The following USP45 variants were observed in gnomAD, a reference collection of about 807,000 sequenced individuals.
USP45 encodes the protein ubiquitin carboxyl-terminal hydrolase 45.
A neutral mutation model predicts 95.8 loss-of-function variants in USP45; 89 were observed. The ratio of observed to expected loss-of-function variants is 0.93; its 90% CI spans 0.78 to 1.11. The LOEUF (loss-of-function observed/expected upper bound fraction) is 1.11, where lower values mean the gene tolerates loss of function less well. USP45 is among the 50% of genes least tolerant of loss of function. The pLI is 0.00. For missense variants in USP45, 898 were observed against 942.5 expected (o/e 0.95, Z 0.62); for synonymous variants, 281 against 316.2 (o/e 0.89, Z 1.18).
chr6:99,445,130 G>C (rs763505599), intron 14 of USP45, among the ~76,000 whole-genome samples: 17 of 152,176 alleles, frequency 1.1e-4, no homozygotes, highest in Non-Finnish European at 2.2e-4. Context: ...GTTTACAACA[G>C]ATTGATAGGA....
chr6:99,448,807 A>G (rs1783144568), intron 13 of USP45, among the ~76,000 whole-genome samples: 1 of 152,260 alleles, frequency 6.6e-6, no homozygotes, highest in Non-Finnish European at 1.5e-5. Context: ...AGGGAAACCC[A>G]TCAGACTAAC....
chr6:99,476,857 T>G (rs908380438), intron 8 of USP45, among the ~76,000 whole-genome samples: 8 of 152,234 alleles, frequency 5.3e-5, no homozygotes, highest in African/African-American at 1.7e-4. Flanking sequence ...CCTGTGAATA[T>G]GTTTTTTAAG....
chr6:99,462,062 A>T, intron 13 of USP45: 1 of 985,400 alleles, frequency 1.0e-6, no homozygotes, highest in Non-Finnish European at 1.2e-6. Context: ...ATGTTATTAG[A>T]ACTGTACTTT....
chr6:99,512,402 TC>T (rs1800086974), intron 1 of USP45, among the ~76,000 whole-genome samples: 1 of 152,212 alleles, frequency 6.6e-6, no homozygotes, highest in Non-Finnish European at 1.5e-5. Flanking sequence ...TTTGTCTCTT[TC>T]TTCATAGTGT....
upstream of USP45, chr6:99,515,574 G>C (rs1380679232): frequency 1.3e-5 from 2 of 152,160 alleles, no homozygotes; most frequent in Non-Finnish European, 2.9e-5. Context: ...CTTGCGTGGC[G>C]CCTGCGTTCT....
chr6:99,456,797 G>GC (rs1361868265), intron 13 of USP45, among the ~76,000 whole-genome samples: 2 of 146,358 alleles, frequency 1.4e-5, no homozygotes, highest in Non-Finnish European at 3.0e-5. Flanking sequence ...CAGAATAACA[G>GC]CAATTGTTCA....
chr6:99,437,597 C>G (rs1224964010), intron 16 of USP45, among the ~76,000 whole-genome samples, 198 bp from the exon 17 acceptor site: 1 of 152,180 alleles, frequency 6.6e-6, no homozygotes, highest in Non-Finnish European at 1.5e-5. Context: ...AAAGAGCACT[C>G]ACACATATTG....
Position 99,445,946 on chromosome 6 carries a change from T to C in USP45, c.1826A>G (p.Gln609Arg), listed in dbSNP as rs765305812. The C allele has an allele frequency of 6.2e-7, 1 of 1,614,098 alleles. No homozygotes were observed. The highest frequency in any genetic ancestry group is 8.5e-7 in the Non-Finnish European group (1 of 1,180,024). The change falls in exon 14 of 18, where the codon CAG becomes CGG. Residue 609 changes from glutamine to arginine, a missense_variant. Physicochemically the swap from Gln to Arg is conservative, Grantham distance 43 (BLOSUM62 1). Transcript: ENST00000500704. ...TTCTTTAGAAGTAGTTATATAGCTC[T>C]GAGAAAGGGTCTGAAAAGCATTTTG... ...SPQNAFQTLS[Q>R]SYITTSKECS...
intron 14 of USP45, among the ~76,000 whole-genome samples, chr6:99,445,062 T>C (rs987523708): frequency 2.6e-5 from 4 of 152,258 alleles, no homozygotes; most frequent in East Asian, 1.9e-4. Flanking sequence ...ATGGTAATTA[T>C]AGCGCTAGCT....
intron 4 of USP45, among the ~76,000 whole-genome samples, chr6:99,504,264 C>A (rs118114768): frequency 6.6e-6 from 1 of 152,158 alleles, no homozygotes; most frequent in African/African-American, 2.4e-5. Context: ...CCTCAGCCAC[C>A]CAGTAGCTGG....
chr6:99,442,827 C>T (rs1219816141), intron 15 of USP45, among the ~76,000 whole-genome samples: 1 of 150,806 alleles, frequency 6.6e-6, no homozygotes, highest in Non-Finnish European at 1.5e-5. Flanking sequence ...AGCCTGGCAA[C>T]AGAGGGAGAT....
intron 9 of USP45, among the ~76,000 whole-genome samples, chr6:99,475,906 C>T (rs966286675): frequency 3.9e-5 from 6 of 152,126 alleles, no homozygotes; most frequent in African/African-American, 1.4e-4. Flanking sequence ...CTCACTGCAA[C>T]CTCTGCTTCC....
At position 99,470,192 on chromosome 6, in the gene USP45, T is replaced by G. The variant is rs191585351; in HGVS notation, c.934-1574A>C. Among the ~76,000 whole-genome samples, 8 of 152,272 alleles carry G rather than the reference T, an allele frequency of 5.3e-5. No homozygotes were observed. In the East Asian group the frequency reaches 1.5e-3, roughly 29 times the overall value. ...TATTGTCAACACCAACATCCCCTTCTGCCATTATAACATGCTTTTAATCTA... is the reference window on the plus strand; with the variant it reads ...TATTGTCAACACCAACATCCCCTTCGGCCATTATAACATGCTTTTAATCTA... On this transcript the variant is annotated intron_variant, in intron 9 of 17. Coordinates refer to ENST00000500704, the MANE Select transcript of USP45 (RefSeq NM_001346022.3).
At chr6:99,517,783 A>G (rs966923604), upstream of USP45, among the ~76,000 whole-genome samples, 5 of 151,662 alleles carry the variant, frequency 3.3e-5, no homozygotes, top group Non-Finnish European at 7.4e-5. Flanking sequence ...TATCAAGTAT[A>G]TATTTTTAAG....
chr6:99,456,719 G>A (rs976607456), intron 13 of USP45, among the ~76,000 whole-genome samples: 2 of 152,094 alleles, frequency 1.3e-5, no homozygotes, highest in African/African-American at 2.4e-5. Context: ...TGATAATTGC[G>A]TTAACTGCAC....
chr6:99,517,601 ATT>A (rs11398930), upstream of USP45, among the ~76,000 whole-genome samples: 4 of 136,754 alleles, frequency 2.9e-5, no homozygotes, highest in Admixed American at 7.4e-5. Flanking sequence ...CACATAGCTA[ATT>A]TTTTTTTTTT....
At chr6:99,470,849 AATC>A (rs1183321915) in intron 9 of USP45, among the ~76,000 whole-genome samples, 1 of 152,230 alleles carries the variant, frequency 6.6e-6, no homozygotes, top group Admixed American at 6.5e-5. Context: ...TATTTCAGAT[AATC>A]ATAACATTTC....
intron 8 of USP45, among the ~76,000 whole-genome samples, chr6:99,480,814 C>T (rs1792212503): frequency 6.6e-6 from 1 of 152,116 alleles, no homozygotes; most frequent in East Asian, 1.9e-4. Flanking sequence ...ATCAATGAAA[C>T]AGAATATAGT....
rs529737239 is a variant in USP45, at chr6:99,433,878, G to C, written c.*1838C>G. 2.0e-5 allele frequency: 3 copies of C among 152,210 alleles called. No individual in the cohort carries two copies. The South Asian group carries it at 6.2e-4, about 32-fold the overall frequency. 9.4% of individuals were successfully genotyped at this position (152,210 alleles called of 1,614,324 possible). A position where few individuals can be genotyped will look rare whatever the true frequency, so the allele number is the denominator to read the frequency against. Reference sequence around the variant, plus strand: ...CAGTATCTTTCTGTAAGAAAAATTAGGTGATCTATATTTACATTTGGGCAG... The same window carrying C: ...CAGTATCTTTCTGTAAGAAAAATTACGTGATCTATATTTACATTTGGGCAG... On this transcript the variant is annotated 3_prime_UTR_variant, in exon 18 of 18. Coordinates refer to ENST00000500704, the MANE Select transcript of USP45 (RefSeq NM_001346022.3).
Sources: gnomAD v4.1 joint callset for allele counts (sites outside exome capture counted in the v4.1 genomes callset) on GRCh38, gnomAD v4.1.1 for gene constraint, MANE v1.5 for transcripts, NCBI Gene and HGNC (gene_info 2026-07-23, HGNC 2026-07-21) for gene names.